RICTOR: variants seen among roughly 807,000 people sequenced by gnomAD.
RICTOR encodes RPTOR independent companion of MTOR complex 2, also known as rapamycin-insensitive companion of mTOR.
In RICTOR, 49 loss-of-function variants were observed where a neutral mutation model predicts 214.9. That is an observed-to-expected ratio of 0.23 (90% CI 0.18 to 0.29). The LOEUF (loss-of-function observed/expected upper bound fraction) is 0.29. Ranked by LOEUF, RICTOR falls within the 10% of genes least tolerant of loss-of-function variation. The probability of loss-of-function intolerance (pLI) is 1.00; values close to 1 mark genes in which losing one functional copy is unlikely to be tolerated. For synonymous variants in RICTOR, 717 were observed against 711.3 expected (o/e 1.01, Z -0.13); for missense variants, 1,625 against 2,047.0 (o/e 0.79, Z 3.98).
intron 11 of RICTOR, among the ~76,000 whole-genome samples, chr5:38,968,437 T>G (rs1750418228): frequency 6.6e-6 from 1 of 151,992 alleles, no homozygotes; most frequent in Non-Finnish European, 1.5e-5. Context: ...ACTATACCTT[T>G]TACCATTATC....
Position 39,020,930 on chromosome 5 carries a change from T to C in RICTOR, c.195+109A>G. On this transcript the variant is annotated intron_variant, in intron 3 of 37. Coordinates refer to ENST00000357387, the MANE Select transcript of RICTOR (RefSeq NM_152756.5). ...GAGAAGCAGGAAAGAAAAGCATTAA[T>C]GCTGAGTGAATACACAAGAATTTGT... is the stretch of plus-strand genomic sequence containing the variant. 5.8e-6 allele frequency: 4 copies of C among 690,906 alleles called. 1 individual carries two copies. The highest frequency in any genetic ancestry group is 3.4e-5 in the South Asian group (2 of 59,622). The allele number at this position is 690,906 out of a possible 1,614,324, so 42.8% of individuals were successfully genotyped here.
intron 30 of RICTOR, among the ~76,000 whole-genome samples, 178 bp downstream of exon 30, chr5:38,952,018 A>G (rs1349233872): frequency 6.6e-6 from 1 of 152,038 alleles, no homozygotes; most frequent in Non-Finnish European, 1.5e-5. Context: ...AGAAAAATGT[A>G]AGCTGGTGAT....
chr5:38,987,196 G>A (rs978458760), intron 7 of RICTOR, among the ~76,000 whole-genome samples: 1 of 151,966 alleles, frequency 6.6e-6, no homozygotes, highest in Non-Finnish European at 1.5e-5. Context: ...TTTTTTTGTT[G>A]TGTCTCTGCC....
intron 2 of RICTOR, among the ~76,000 whole-genome samples, chr5:39,054,615 C>T (rs1758079797): frequency 6.6e-6 from 1 of 152,118 alleles, no homozygotes; most frequent in Admixed American, 6.5e-5. Flanking sequence ...CCTTCTGGGC[C>T]TCTTGATTTG....
intron 3 of RICTOR, among the ~76,000 whole-genome samples, chr5:39,013,784 T>C (rs1026667254): frequency 4.6e-5 from 7 of 152,096 alleles, no homozygotes; most frequent in African/African-American, 1.7e-4. Context: ...TATTGGGATG[T>C]GGAAAGCAGC....
At chr5:38,981,710 G>T in intron 8 of RICTOR, 157 bp downstream of exon 8, 1 of 515,528 alleles carries the variant, frequency 1.9e-6, no homozygotes, top group Non-Finnish European at 3.4e-6. Context: ...AGTCCAAACT[G>T]AATGATCTGT....
chr5:38,951,772 T>G (rs1220523448), intron 30 of RICTOR, among the ~76,000 whole-genome samples: 1 of 152,020 alleles, frequency 6.6e-6, no homozygotes, highest in Non-Finnish European at 1.5e-5. Context: ...TTTTAAAATT[T>G]AGTGCTTCTC....
At position 39,053,901 on chromosome 5, in the gene RICTOR, A is replaced by C. The variant is rs1371445887; in HGVS notation, c.97+20210T>G. The stretch of plus-strand genomic sequence containing the variant: ...GCGAGACTCCGTCTCAAAAAAAAAA[A>C]AAAAACCCGTCTCTACTAAAAATAC... On this transcript the variant is annotated intron_variant, in intron 2 of 37. Transcript: ENST00000357387. Among the ~76,000 whole-genome samples, 36 of 134,454 alleles carry C rather than the reference A, an allele frequency of 2.7e-4. 3 individuals carry two copies. The highest frequency in any genetic ancestry group is 1.1e-3 in the African/African-American group (35 of 31,832). 88.2% of individuals were successfully genotyped at this position (134,454 alleles called of 152,430 possible).
chr5:38,961,173 G>A (rs753668055), intron 19 of RICTOR, among the ~76,000 whole-genome samples: 2 of 151,956 alleles, frequency 1.3e-5, no homozygotes, highest in Non-Finnish European at 2.9e-5. Context: ...TGTGGAGTAA[G>A]AATTTTATGG....
Position 38,953,497 on chromosome 5 carries a change from T to G in RICTOR, c.2754A>C (p.Glu918Asp), listed in dbSNP as rs1748969738. The G allele has an allele frequency of 6.6e-7, 1 of 1,504,984 alleles. No homozygotes were observed. The highest frequency in any genetic ancestry group is 8.9e-7 in the Non-Finnish European group (1 of 1,121,526). 93.2% of individuals were successfully genotyped at this position (1,504,984 alleles called of 1,614,324 possible). A position where few individuals can be genotyped will look rare whatever the true frequency, so the allele number is the denominator to read the frequency against. The stretch of plus-strand genomic sequence containing the variant: ...GAGATGCTTTCAGTTTTTTAATTTC[T>G]TCCCACTTATCCAAATCTGGTGTAC... ...NVRTPDLDKWEEIKKLKASLW... is the reference protein window; with the variant it reads ...NVRTPDLDKWDEIKKLKASLW... Residue 918 changes from glutamate (E) to aspartate (D), a missense_variant, in exon 28 of 38, where the codon GAA (glutamate) becomes GAC (aspartate). Glu to Asp is a conservative substitution (Grantham distance 45). Transcript: ENST00000357387.
At chr5:39,026,663 C>T (rs1755845020) in intron 2 of RICTOR, among the ~76,000 whole-genome samples, 1 of 151,584 alleles carries the variant, frequency 6.6e-6, no homozygotes, top group South Asian at 2.1e-4. Context: ...GCCTATTCTG[C>T]TTGTGACACT....
At chr5:38,997,759 C>T (rs1017273275) in intron 5 of RICTOR, among the ~76,000 whole-genome samples, 11 of 152,238 alleles carry the variant, frequency 7.2e-5, no homozygotes, top group African/African-American at 2.6e-4. Flanking sequence ...ACATTTGTTC[C>T]CTGGGTGCAT....
rs1195935068 is a variant in RICTOR at position 38,968,962 on chromosome 5, G to A, written c.973-932C>T. On this transcript the variant is annotated intron_variant, in intron 11 of 37. Coordinates refer to ENST00000357387, the MANE Select transcript of RICTOR (RefSeq NM_152756.5). ...AGGCTAGTGTGTGTTTGGCGGGGGA[G>A]GAGTTTTTTTTTTTTTTTTTTTTTT... 5.2e-5 allele frequency among the ~76,000 whole-genome samples: 6 copies of A among 116,010 alleles called. No individual in the cohort carries two copies. In the Admixed American group the frequency reaches 6.4e-4, roughly 12 times the overall value. The allele number at this position is 116,010 out of a possible 152,430, so 76.1% of individuals were successfully genotyped here.
intron 2 of RICTOR, among the ~76,000 whole-genome samples, chr5:39,059,647 G>A (rs1051186786): frequency 6.6e-6 from 1 of 152,022 alleles, no homozygotes; most frequent in Admixed American, 6.5e-5. Flanking sequence ...TCAGTAAAAT[G>A]TGTCATGCCT....
intron 25 of RICTOR, among the ~76,000 whole-genome samples, chr5:38,956,452 C>T (rs1242726791): frequency 3.3e-5 from 5 of 152,100 alleles, no homozygotes; most frequent in Non-Finnish European, 7.4e-5. Context: ...TTAGTTCCAA[C>T]TACATTGGAA....
chr5:38,998,683 A>C (rs1430850955), intron 5 of RICTOR, among the ~76,000 whole-genome samples: 4 of 152,176 alleles, frequency 2.6e-5, no homozygotes, highest in Non-Finnish European at 4.4e-5. Context: ...ATAGAAGAAA[A>C]GATGAAGAAA....
chr5:38,990,528 TATATATACG>T (rs1250908802), intron 7 of RICTOR, among the ~76,000 whole-genome samples: 4 of 146,360 alleles, frequency 2.7e-5, no homozygotes, highest in Admixed American at 2.1e-4. Flanking sequence ...ATATATACGA[TATATATACG>T]ATATATACAC....
chr5:38,994,419 T>TG (rs1753015721), intron 6 of RICTOR, among the ~76,000 whole-genome samples: 2 of 57,144 alleles, frequency 3.5e-5, no homozygotes, highest in African/African-American at 7.0e-5. Flanking sequence ...AAGGTTTTAC[T>TG]AAAAAAAAAA....
rs866483 is a variant in RICTOR at position 38,940,143 on chromosome 5, C to A, written c.*2161G>T. On this transcript the variant is annotated 3_prime_UTR_variant, in exon 38 of 38. Coordinates refer to ENST00000357387, the MANE Select transcript of RICTOR (RefSeq NM_152756.5). ...TCAAAGTAACAGTAAAAAAAAAAAA[C>A]AAAAAAAAAAACACAAAACATTCAG... 0.42 allele frequency: 76,490 copies of A among 181,032 alleles called. 13,211 individuals carry two copies. The highest frequency in any genetic ancestry group is 0.47 in the East Asian group (5,913 of 12,690). 11.2% of individuals were successfully genotyped at this position (181,032 alleles called of 1,614,324 possible).
Sources: allele counts gnomAD v4.1 joint callset (sites outside exome capture counted in the v4.1 genomes callset), GRCh38; gene constraint gnomAD v4.1.1; transcripts MANE v1.5; gene names NCBI Gene and HGNC (gene_info 2026-07-23, HGNC 2026-07-21).